PSME2: variants seen among roughly 807,000 people sequenced by gnomAD.
The protein encoded by PSME2 is proteasome activator subunit 2.
PSME2 carries 20 observed loss-of-function variants against 38.8 expected under a neutral mutation model. The ratio of observed to expected loss-of-function variants is 0.52; its 90% CI spans 0.36 to 0.75. The LOEUF (loss-of-function observed/expected upper bound fraction) is 0.75, where lower values mean the gene tolerates loss of function less well. PSME2 is among the 30% of genes least tolerant of loss of function. The probability of loss-of-function intolerance (pLI) is 0.00; values close to 1 mark genes in which losing one functional copy is unlikely to be tolerated. For missense variants in PSME2, 227 were observed against 287.6 expected, an observed-to-expected ratio of 0.79 and a Z score of 1.52; for synonymous variants, 82 against 102.5, an observed-to-expected ratio of 0.80 and a Z score of 1.21.
chr14:24,143,848 T>C lies in PSME2; in HGVS notation c.552+127A>G, dbSNP rs2038112475. The C allele has an allele frequency of 2.2e-6, 3 of 1,363,484 alleles. No individual in the cohort carries two copies. The Admixed American group carries it at 5.3e-5, about 24-fold the overall frequency. 84.5% of individuals were successfully genotyped at this position (1,363,484 alleles called of 1,614,324 possible). On this transcript the variant is annotated intron_variant, in intron 9 of 10. Coordinates refer to ENST00000216802, the MANE Select transcript of PSME2 (RefSeq NM_002818.3). The surrounding 1 kb of genome is among the most constrained non-coding windows in gnomAD (Gnocchi z 4.4). ...AGGTTGTTGAAGCCCAAACCAGTTT[T>C]TCTAGGTAATGCTTTTAGCTTAATA...
intron 6 of PSME2, 82 bp downstream of exon 6, chr14:24,144,976 T>G: frequency 7.3e-7 from 1 of 1,373,838 alleles, no homozygotes; most frequent in Non-Finnish European, 1.0e-6. Flanking sequence ...GGTCTCTGTA[T>G]GAAGGACTTG....
At chr14:24,145,978 G>T (rs1185629844) in intron 2 of PSME2, 7 of 815,726 alleles carry the variant, frequency 8.6e-6, no homozygotes, top group East Asian at 2.6e-5. Context: ...GGAAGCCATG[G>T]TTTTTTTCCT....
chr14:24,143,878 C>T lies in PSME2; in HGVS notation c.552+97G>A, dbSNP rs1404043012. On this transcript the variant is annotated intron_variant, in intron 9 of 10. Coordinates refer to ENST00000216802, the MANE Select transcript of PSME2 (RefSeq NM_002818.3). This position sits in a 1 kb window ranked among gnomAD's most constrained non-coding sequence, Gnocchi z 4.4. ...GGTAATGCTTTTAGCTTAATATTCT[C>T]CACATTGGGAAAGTCACAAACAAGA... 6 of 1,471,116 alleles carry T rather than the reference C, an allele frequency of 4.1e-6. No individual in the cohort carries two copies. Among genetic ancestry groups the T allele is most frequent in the Non-Finnish European group, 5.7e-6 (6 of 1,057,332 alleles). 91.1% of individuals were successfully genotyped at this position (1,471,116 alleles called of 1,614,324 possible).
chr14:24,144,185 C>T lies in PSME2; in HGVS notation c.497+7G>A. 1 of 1,614,232 alleles carries T rather than the reference C, an allele frequency of 6.2e-7. No homozygotes were observed. On this transcript the variant is annotated splice_region_variant and intron_variant, in intron 8 of 10. Transcript: ENST00000216802. ...GCCCCCAATGCTGGTCCTCCAGCTG[C>T]CCTCACTTGGAAATGGTTGTCTGGA...
intron 3 of PSME2, 122 bp downstream of exon 3, chr14:24,145,588 T>C: frequency 6.9e-7 from 1 of 1,450,612 alleles, no homozygotes; most frequent in South Asian, 1.2e-5. Flanking sequence ...CACGCCATCC[T>C]AATGTTCCTA....
rs202124916 is a variant in PSME2 at position 24,143,997 on chromosome 14, T to C, written c.530A>G (p.Lys177Arg). 6 of 1,614,114 alleles carry C rather than the reference T, an allele frequency of 3.7e-6. No homozygotes were observed. Among genetic ancestry groups the C allele is most frequent in the East Asian group, 2.2e-5 (1 of 44,888 alleles). ...YFSERGDAVA[K>R]ASKETHVMDY... ...CACTACATGAGTCTCCTTGGAGGCCTTGGCCACAGCATCCCCACGTTCTGA... is the reference window on the plus strand; with the variant it reads ...CACTACATGAGTCTCCTTGGAGGCCCTGGCCACAGCATCCCCACGTTCTGA... Residue 177 changes from lysine to arginine, a missense_variant, in exon 9 of 11, where the codon AAG becomes AGG. Transcript: ENST00000216802. This position sits in a 1 kb window ranked among gnomAD's most constrained non-coding sequence, Gnocchi z 4.4.
At chr14:24,144,569 T>C (rs1426646256) in intron 6 of PSME2, 101 bp from the exon 7 acceptor site, 2 of 1,108,080 alleles carry the variant, frequency 1.8e-6, no homozygotes, top group East Asian at 2.4e-5. Context: ...TGGGTACTTA[T>C]TACATACCAG....
At chr14:24,144,363 T>C in intron 7 of PSME2, 37 bp downstream of exon 7, 1 of 1,607,358 alleles carries the variant, frequency 6.2e-7, no homozygotes, top group Non-Finnish European at 8.5e-7. Context: ...CCTGAGGCTC[T>C]CCCCACTCTA....
intron 1 of PSME2, 102 bp from the exon 2 acceptor site, chr14:24,146,342 C>T: frequency 6.7e-7 from 1 of 1,501,342 alleles, no homozygotes. Flanking sequence ...GCCTTTCTCA[C>T]CACAAACTAG....
chr14:24,146,041 T>G (rs2038149034), intron 2 of PSME2, 167 bp downstream of exon 2: 2 of 891,826 alleles, frequency 2.2e-6, no homozygotes, highest in Non-Finnish European at 3.6e-6. Context: ...ATAAGAAAGG[T>G]CAGATTAAAG....
In PSME2 at chr14:24,143,623, C is replaced by A; in HGVS notation, c.601G>T (p.Glu201Ter). Residue 201 changes from glutamate to a stop codon, truncating the protein, a stop_gained, in exon 10 of 11, where the codon GAG (glutamate) becomes TAG (stop). Coordinates refer to ENST00000216802, the MANE Select transcript of PSME2 (RefSeq NM_002818.3). LOFTEE classifies it high-confidence loss of function. The surrounding 1 kb of genome is among the most constrained non-coding windows in gnomAD (Gnocchi z 4.4). ...VHERDEAAYG[E>*]LRAMVLDLRA... is the part of the protein sequence containing the mutation. ...AGGTCCAGCACCATGGCCCTGAGCT[C>A]CCCATAGGCTGCCTCATCTCGCTCA... 1 of 1,614,112 alleles carries A rather than the reference C, an allele frequency of 6.2e-7. No homozygotes were observed. The highest frequency in any genetic ancestry group is 8.5e-7 in the Non-Finnish European group (1 of 1,180,030).
rs193171651 is a variant in PSME2 at position 24,144,129 on chromosome 14, G to A, written c.497+63C>T. ...CCCATCATCCTGATAGGGCTGCCCA[G>A]CTCTGGGGGTCCCAAAGAAATGCTC... is the stretch of plus-strand genomic sequence containing the variant. On this transcript the variant is annotated intron_variant, in intron 8 of 10. Coordinates refer to ENST00000216802, the MANE Select transcript of PSME2 (RefSeq NM_002818.3). The A allele has an allele frequency of 7.2e-4, 1,159 of 1,611,784 alleles. 18 individuals carry two copies. The Middle Eastern group carries it at 8.6e-3, about 12-fold the overall frequency.
rs776653980 is a variant in PSME2, at chr14:24,145,450, C to A, written c.160G>T (p.Val54Leu). ...NQLLQEDSLN[V>L]ADLTSLRAPL... ...GCCCGGAGGGAAGTCAAGTCAGCCACATTGAGGGAGTCCTCCTGCACAGAG... is the reference window on the plus strand; with the variant it reads ...GCCCGGAGGGAAGTCAAGTCAGCCAAATTGAGGGAGTCCTCCTGCACAGAG... The change falls in exon 4 of 11, where the codon GTG (valine) becomes TTG (leucine). Residue 54 changes from valine to leucine, a missense_variant. Physicochemically the swap from Val to Leu is conservative, Grantham distance 32 (BLOSUM62 1). Around this residue, in one of 3 missense-constraint regions of PSME2, gnomAD observed 80 missense variants for 77.3 expected, o/e 1.04. Coordinates refer to ENST00000216802, the MANE Select transcript of PSME2 (RefSeq NM_002818.3). The A allele has an allele frequency of 7.1e-6, 11 of 1,554,768 alleles. No individual in the cohort carries two copies. The highest frequency in any genetic ancestry group is 9.5e-6 in the Non-Finnish European group (11 of 1,152,488).
Position 24,143,760 on chromosome 14 carries a change from G to A in PSME2, c.553-89C>T. On this transcript the variant is annotated intron_variant, in intron 9 of 10. Transcript: ENST00000216802. This position sits in a 1 kb window ranked among gnomAD's most constrained non-coding sequence, Gnocchi z 4.4. ...TTTTATAGGAAATAGGTTAACTTGA[G>A]AATGAACCCCTTCTTAGCACCAAGA... 7.1e-7 allele frequency: 1 copy of A among 1,406,584 alleles called. No homozygotes were observed. Among genetic ancestry groups the A allele is most frequent in the African/African-American group, 1.4e-5 (1 of 70,524 alleles). The allele number at this position is 1,406,584 out of a possible 1,614,324, so 87.1% of individuals were successfully genotyped here. A position where few individuals can be genotyped will look rare whatever the true frequency, so the allele number is the denominator to read the frequency against.
Position 24,146,292 on chromosome 14 carries a change from G to A in PSME2, c.49-52C>T, listed in dbSNP as rs745722289. On this transcript the variant is annotated intron_variant, in intron 1 of 10. Transcript: ENST00000216802. ...TGGTTAAGGGTCTGGGTTGTCAAAAGCTTCCACCCACAACAGGGTGCCCTC... is the reference window on the plus strand; with the variant it reads ...TGGTTAAGGGTCTGGGTTGTCAAAAACTTCCACCCACAACAGGGTGCCCTC... The A allele has an allele frequency of 3.5e-5, 56 of 1,601,780 alleles. 2 individuals are homozygous for A. In the Admixed American group the frequency reaches 5.5e-4, roughly 16 times the overall value.
Position 24,144,421 on chromosome 14 carries a change from A to G in PSME2, c.408T>C (p.Asn136=), listed in dbSNP as rs901684863. The part of the protein sequence containing the change: ...QHLIPKIEDG[N]DFGVAIQEKV... The stretch of plus-strand genomic sequence containing the variant: ...TTACCTGGATTGCTACCCCAAAATC[A>G]TTTCCATCTTCAATCTTGGGGATCA... The change falls in exon 7 of 11, where the codon AAT becomes AAC. Residue 136 remains asparagine (N), a synonymous_variant. Transcript: ENST00000216802. 4.3e-6 allele frequency: 7 copies of G among 1,613,618 alleles called. No individual in the cohort carries two copies. The highest frequency in any genetic ancestry group is 5.1e-6 in the Non-Finnish European group (6 of 1,179,612).
chr14:24,146,159 A>C (rs1195527715), intron 2 of PSME2, 49 bp downstream of exon 2: 1 of 1,597,566 alleles, frequency 6.3e-7, no homozygotes, highest in Admixed American at 1.7e-5. Context: ...GTTATCCTCA[A>C]GTATTGGTCC....
chr14:24,143,858 T>TATTAA lies in PSME2; in HGVS notation c.552+116_552+117insTTAAT. On this transcript the variant is annotated intron_variant, in intron 9 of 10. Coordinates refer to ENST00000216802, the MANE Select transcript of PSME2 (RefSeq NM_002818.3). The surrounding 1 kb of genome is among the most constrained non-coding windows in gnomAD (Gnocchi z 4.4). ...AGCCCAAACCAGTTTTTCTAGGTAA[T>TATTAA]GCTTTTAGCTTAATATTCTCCACAT... is the stretch of plus-strand genomic sequence containing the variant. 3.6e-6 allele frequency: 5 copies of TATTAA among 1,399,130 alleles called. No homozygotes were observed. Among genetic ancestry groups the TATTAA allele is most frequent in the Non-Finnish European group, 4.0e-6 (4 of 998,634 alleles). 86.7% of individuals were successfully genotyped at this position (1,399,130 alleles called of 1,614,324 possible). A position where few individuals can be genotyped will look rare whatever the true frequency, so the allele number is the denominator to read the frequency against.
chr14:24,146,234 C>T lies in PSME2; in HGVS notation c.55G>A (p.Val19Ile), dbSNP rs1207139927. The T allele has an allele frequency of 1.2e-6, 2 of 1,613,804 alleles. No individual in the cohort carries two copies. The highest frequency in any genetic ancestry group is 1.3e-5 in the African/African-American group (1 of 75,008). Residue 19 changes from valine (V) to isoleucine (I), a missense_variant, in exon 2 of 11, where the codon GTC becomes ATC. Val to Ile is a conservative substitution (Grantham distance 29). Around this residue, in one of 3 missense-constraint regions of PSME2, gnomAD observed 80 missense variants for 77.3 expected, o/e 1.04. Transcript: ENST00000216802. ...LSGEARKQVE[V>I]FRQNLFQEAE... The stretch of plus-strand genomic sequence containing the variant: ...TCCTGGAAAAGATTCTGTCTGAAGA[C>T]CTCCACCTACACAGAGAGCAGTACC...
Sources: gnomAD v4.1 joint callset for allele counts on GRCh38, gnomAD v4.1.1 for gene constraint, gnomAD v4.1.1 regional missense constraint, Gnocchi (gnomAD v3.1) non-coding constraint, MANE v1.5 for transcripts, NCBI Gene and HGNC (gene_info 2026-07-23, HGNC 2026-07-21) for gene names.